Variants in UBE2U observed in about 807,000 individuals in gnomAD.
UBE2U encodes the protein ubiquitin conjugating enzyme E2 U, also known as ubiquitin-conjugating enzyme E2 U.
In UBE2U, 39 loss-of-function variants were observed where a neutral mutation model predicts 41.2. The observed-to-expected ratio is 0.95, with a 90% confidence interval of 0.73 to 1.24. UBE2U has a LOEUF of 1.24. UBE2U is among the 50% of genes most tolerant of loss of function. The pLI, the probability that UBE2U is intolerant of heterozygous loss-of-function variation, is 0.00. For missense variants in UBE2U, 336 were observed against 363.1 expected (o/e 0.93, Z 0.61); for synonymous variants, 107 against 117.8 (o/e 0.91, Z 0.60).
intron 8 of UBE2U, among the ~76,000 whole-genome samples, chr1:64,251,736 C>A (rs1005015047): frequency 6.6e-6 from 1 of 152,172 alleles, no homozygotes; most frequent in Non-Finnish European, 1.5e-5. Flanking sequence ...TCATGAGCCC[C>A]TGCTACCAGG....
chr1:64,243,453 T>C (rs1052325535), intron 8 of UBE2U, among the ~76,000 whole-genome samples: 4 of 152,168 alleles, frequency 2.6e-5, no homozygotes, highest in Admixed American at 2.6e-4. Context: ...GGACAATTCA[T>C]AGAGAATCAA....
Position 64,205,624 on chromosome 1 carries a change from G to C in UBE2U, c.67-15G>C, listed in dbSNP as rs1393717456. Reference sequence around the variant, plus strand: ...AATAAGTTTTTTCTGATTTAATTTTGTTTTTAACTTCAAGGGTATCACTGC... The same window carrying C: ...AATAAGTTTTTTCTGATTTAATTTTCTTTTTAACTTCAAGGGTATCACTGC... On this transcript the variant is annotated splice_polypyrimidine_tract_variant and intron_variant, in intron 1 of 9. Transcript: ENST00000371077. 6.3e-7 allele frequency: 1 copy of C among 1,596,328 alleles called. No individual in the cohort carries two copies. The highest frequency in any genetic ancestry group is 8.5e-7 in the Non-Finnish European group (1 of 1,172,472).
chr1:64,228,728 C>T lies in UBE2U; in HGVS notation c.507-3833C>T, dbSNP rs890181797. ...TTTTTAAGACAGAGTCTTGCTCTGT[C>T]GCCCAGGTTGGAGTGCAGTGGTATA... On this transcript the variant is annotated intron_variant, in intron 6 of 9. Coordinates refer to ENST00000371077, the MANE Select transcript of UBE2U (RefSeq NM_001366232.2). 1.5e-3 allele frequency among the ~76,000 whole-genome samples: 213 copies of T among 141,466 alleles called. 2 individuals are homozygous for T. The highest frequency in any genetic ancestry group is 4.4e-3 in the African/African-American group (168 of 38,590). The allele number at this position is 141,466 out of a possible 152,430, so 92.8% of individuals were successfully genotyped here.
intron 4 of UBE2U, among the ~76,000 whole-genome samples, chr1:64,212,306 A>G (rs1651710984): frequency 6.6e-6 from 1 of 152,242 alleles, no homozygotes; most frequent in Non-Finnish European, 1.5e-5. Flanking sequence ...CCCAAAATGT[A>G]ATGAGTAAGG....
intron 6 of UBE2U, among the ~76,000 whole-genome samples, chr1:64,229,515 AGAT>A (rs1461476049): frequency 6.6e-6 from 1 of 152,182 alleles, no homozygotes; most frequent in Admixed American, 6.5e-5. Flanking sequence ...TGGAGAGGTT[AGAT>A]AACTTGCTCC....
rs1324956437 is a variant in UBE2U at position 64,254,950 on chromosome 1, C to CA, written c.678-5647dup. Among the ~76,000 whole-genome samples, 5 of 151,448 alleles carry CA rather than the reference C, an allele frequency of 3.3e-5. No individual in the cohort carries two copies. In the East Asian group the frequency reaches 5.8e-4, roughly 18 times the overall value. On this transcript the variant is annotated intron_variant, in intron 8 of 9. Coordinates refer to ENST00000371077, the MANE Select transcript of UBE2U (RefSeq NM_001366232.2). ...AGTGGAACTGAATGAGATAGAGACA[C>CA]AAAAAACCCTTAAAAAATCAACAAA...
chr1:64,234,641 C>T (rs1284470631), intron 7 of UBE2U, among the ~76,000 whole-genome samples: 2 of 152,124 alleles, frequency 1.3e-5, no homozygotes, highest in Non-Finnish European at 2.9e-5. Flanking sequence ...ATATCACCAT[C>T]CTCACTCATA....
At chr1:64,214,294 T>C (rs891194259) in intron 4 of UBE2U, among the ~76,000 whole-genome samples, 6 of 152,192 alleles carry the variant, frequency 3.9e-5, no homozygotes, top group African/African-American at 1.4e-4. Flanking sequence ...AGCTGAATTT[T>C]TAATTTTATT....
intron 7 of UBE2U, among the ~76,000 whole-genome samples, chr1:64,241,066 G>A (rs917874840): frequency 6.6e-6 from 1 of 152,168 alleles, no homozygotes; most frequent in Non-Finnish European, 1.5e-5. Context: ...TTTTTATAAG[G>A]TAACTAGAGC....
intron 3 of UBE2U, among the ~76,000 whole-genome samples, chr1:64,209,085 T>C (rs1233130992): frequency 1.3e-5 from 2 of 152,314 alleles, no homozygotes; most frequent in African/African-American, 2.4e-5. Context: ...AGATTTTTTA[T>C]GTTTTTTTCC....
At chr1:64,213,622 T>G (rs1242222998) in intron 4 of UBE2U, among the ~76,000 whole-genome samples, 1 of 152,182 alleles carries the variant, frequency 6.6e-6, no homozygotes, top group Admixed American at 6.5e-5. Context: ...CTTGATTTCC[T>G]GGAGCATACC....
chr1:64,214,214 C>G (rs1390022225), intron 4 of UBE2U, among the ~76,000 whole-genome samples: 1 of 152,148 alleles, frequency 6.6e-6, no homozygotes, highest in Non-Finnish European at 1.5e-5. Flanking sequence ...ATATATCTCA[C>G]CGTTCAATAC....
intron 7 of UBE2U, among the ~76,000 whole-genome samples, 169 bp downstream of exon 7, chr1:64,232,818 C>CA (rs1021086869): frequency 4.0e-5 from 6 of 149,926 alleles, no homozygotes; most frequent in African/African-American, 1.2e-4. Flanking sequence ...TTCTTTTTTT[C>CA]AAAAAAAAAT....
chr1:64,256,007 G>A (rs1022496791), intron 8 of UBE2U, among the ~76,000 whole-genome samples: 1 of 151,992 alleles, frequency 6.6e-6, no homozygotes, highest in Non-Finnish European at 1.5e-5. Context: ...AATCATGAAT[G>A]AACTCCCATT....
chr1:64,214,748 T>C, intron 4 of UBE2U, 67 bp from the exon 5 acceptor site: 3 of 1,165,658 alleles, frequency 2.6e-6, no homozygotes, highest in Admixed American at 1.7e-5. Flanking sequence ...TTGTATATAT[T>C]GGTTTGTCGT....
At chr1:64,228,686 CTTTTT>C (rs59774097) in intron 6 of UBE2U, among the ~76,000 whole-genome samples, 2 of 95,728 alleles carry the variant, frequency 2.1e-5, no homozygotes, top group Non-Finnish European at 3.7e-5. Flanking sequence ...CTCTCTCTCT[CTTTTT>C]TTTTTTTTTT....
intron 7 of UBE2U, among the ~76,000 whole-genome samples, chr1:64,239,099 G>GAAGAAGAAGAAGAAGGAAGA (rs1644741351): frequency 1.0e-3 from 6 of 5,998 alleles, no homozygotes; most frequent in African/African-American, 4.9e-3. Context: ...AGAGGAAGAA[G>GAAGAAGAAGAAGAAGGAAGA]AAGAAGAAGA....
chr1:64,221,474 A>T (rs1280328815), intron 6 of UBE2U, among the ~76,000 whole-genome samples: 1 of 151,022 alleles, frequency 6.6e-6, no homozygotes, highest in Non-Finnish European at 1.5e-5. Flanking sequence ...ATCAGCACAG[A>T]TCATTATAGA....
intron 8 of UBE2U, among the ~76,000 whole-genome samples, chr1:64,259,784 A>G (rs1054656301): frequency 6.6e-6 from 1 of 151,986 alleles, no homozygotes; most frequent in African/African-American, 2.4e-5. Flanking sequence ...GGGCTCATTG[A>G]TGTCTCCCAT....
Sources: gnomAD v4.1 joint callset for allele counts (sites outside exome capture counted in the v4.1 genomes callset) on GRCh38, gnomAD v4.1.1 for gene constraint, MANE v1.5 for transcripts, NCBI Gene and HGNC (gene_info 2026-07-23, HGNC 2026-07-21) for gene names.